NHERF2: variants seen among roughly 807,000 people sequenced by gnomAD.
NHERF2 encodes the protein NHERF family PDZ scaffold protein 2.
chr16:2,035,514 C>T, the NHERF2 span: 2 of 986,524 alleles, frequency 2.0e-6, no homozygotes, highest in Non-Finnish European at 2.4e-6. Context: ...AAGCTTGGCG[C>T]TCCCTGGAAA....
the NHERF2 span, chr16:2,038,119 G>A: frequency 8.6e-7 from 1 of 1,158,102 alleles, no homozygotes. Context: ...CCCAGCCCCG[G>A]TGAGCCCCCA....
the NHERF2 span, among the ~76,000 whole-genome samples, chr16:2,031,405 C>T: frequency 6.6e-6 from 1 of 152,196 alleles, no homozygotes; most frequent in Non-Finnish European, 1.5e-5. Context: ...AGGAAGCTCC[C>T]CCTCTGCCTC....
At chr16:2,029,824 C>G in the NHERF2 span, 4 of 1,472,372 alleles carry the variant, frequency 2.7e-6, no homozygotes, top group Non-Finnish European at 3.7e-6. Context: ...TAGCCTCTCC[C>G]AGAGGCTCTC....
the NHERF2 span, among the ~76,000 whole-genome samples, chr16:2,028,867 G>A: frequency 9.2e-5 from 14 of 152,280 alleles, no homozygotes; most frequent in African/African-American, 3.1e-4. Context: ...GCACCTGCAC[G>A]CACACACCGA....
chr16:2,029,540 A>G, the NHERF2 span: 1 of 1,528,582 alleles, frequency 6.5e-7, no homozygotes, highest in East Asian at 2.4e-5. Flanking sequence ...TGCTGCCCGG[A>G]ATGTGGGCCA....
the NHERF2 span, among the ~76,000 whole-genome samples, chr16:2,027,852 C>T: frequency 1.3e-5 from 2 of 152,212 alleles, no homozygotes; most frequent in Non-Finnish European, 2.9e-5. Flanking sequence ...TGTGTCTGTA[C>T]TCTAGTGTGT....
chr16:2,036,530 G>GCCGAGTGCC, the NHERF2 span: 1 of 1,561,532 alleles, frequency 6.4e-7, no homozygotes, highest in East Asian at 2.4e-5. Flanking sequence ...GCTGCGGGGT[G>GCCGAGTGCC]CCGAGTGCCC....
the NHERF2 span, among the ~76,000 whole-genome samples, chr16:2,031,598 G>C: frequency 6.6e-6 from 1 of 152,122 alleles, no homozygotes; most frequent in Non-Finnish European, 1.5e-5. Flanking sequence ...TCCTCTGGGT[G>C]TATTTTTAGA....
the NHERF2 span, chr16:2,036,686 G>C: frequency 6.2e-7 from 1 of 1,605,040 alleles, no homozygotes; most frequent in Admixed American, 1.7e-5. Flanking sequence ...GTTGGGGGCT[G>C]TCTGGGCCCA....
the NHERF2 span, among the ~76,000 whole-genome samples, chr16:2,035,025 CCT>C: frequency 4.4e-3 from 672 of 152,208 alleles, 2 homozygotes; most frequent in Non-Finnish European, 7.5e-3. Flanking sequence ...CAGCTGAGCC[CCT>C]GTGGGGCCAG....
At chr16:2,036,590 G>T in the NHERF2 span, 2 of 1,516,132 alleles carry the variant, frequency 1.3e-6, no homozygotes, top group Non-Finnish European at 1.8e-6. Flanking sequence ...GGAGGGAGAC[G>T]CTGGGAACCT....
chr16:2,032,474 C>G, the NHERF2 span, among the ~76,000 whole-genome samples: 1 of 152,222 alleles, frequency 6.6e-6, no homozygotes, highest in African/African-American at 2.4e-5. This position sits in a 1 kb window ranked among gnomAD's most constrained non-coding sequence, Gnocchi z 4.0. Flanking sequence ...CAAAGCTTAC[C>G]TTGCGGGGAT....
chr16:2,039,005 G>A, the NHERF2 span: 37,465 of 152,398 alleles, frequency 0.25, 6,219 homozygotes, highest in African/African-American at 0.47. Context: ...GCGCTCTCAG[G>A]ATAAACAGGC....
At chr16:2,036,253 C>T in the NHERF2 span, 3 of 1,452,352 alleles carry the variant, frequency 2.1e-6, no homozygotes, top group East Asian at 2.5e-5. Flanking sequence ...GCAGTGGCGG[C>T]ACCACCGGGG....
the NHERF2 span, chr16:2,037,616 A>C: frequency 1.9e-3 from 3,085 of 1,610,658 alleles, 5 homozygotes; most frequent in Non-Finnish European, 2.4e-3. Flanking sequence ...GATGTTCTCC[A>C]CTCCTGAGCT....
At chr16:2,030,856 G>A in the NHERF2 span, among the ~76,000 whole-genome samples, 6 of 151,930 alleles carry the variant, frequency 3.9e-5, no homozygotes, top group Non-Finnish European at 5.9e-5. Context: ...CAGGAGAGTC[G>A]CTTGAACCCG....
At chr16:2,037,689 G>C in the NHERF2 span, 1 of 1,562,056 alleles carries the variant, frequency 6.4e-7, no homozygotes, top group Admixed American at 1.9e-5. Context: ...CCGGGCAGTG[G>C]GGTCTCTGTT....
chr16:2,037,456 G>T, the NHERF2 span: 8 of 1,254,734 alleles, frequency 6.4e-6, no homozygotes, highest in Non-Finnish European at 9.1e-6. Context: ...CACACTGGGG[G>T]GGGGTGTGCC....
At chr16:2,038,415 C>T in the NHERF2 span, 1 of 135,780 alleles carries the variant, frequency 7.4e-6, no homozygotes, top group Non-Finnish European at 1.6e-5. Context: ...CCCCCTTCCC[C>T]TCCCCCTTCC....
Sources: gnomAD v4.1 joint callset for allele counts (sites outside exome capture counted in the v4.1 genomes callset) on GRCh38, gnomAD v4.1.1 for gene constraint, Gnocchi (gnomAD v3.1) non-coding constraint, MANE v1.5 for transcripts, NCBI Gene and HGNC (gene_info 2026-07-23, HGNC 2026-07-21) for gene names.